Variants in NELL2 observed in about 807,000 individuals in gnomAD.
NELL2 encodes protein kinase C-binding protein NELL2.
In NELL2, 41 loss-of-function variants were observed where a neutral mutation model predicts 109.6. The ratio of observed to expected loss-of-function variants is 0.37; its 90% CI spans 0.29 to 0.49. The LOEUF (loss-of-function observed/expected upper bound fraction) is 0.49. NELL2 is among the 20% of genes least tolerant of loss of function. The pLI, the probability that NELL2 is intolerant of heterozygous loss-of-function variation, is 0.98. For missense variants in NELL2, 900 were observed against 1,008.3 expected (o/e 0.89, Z 1.45); for synonymous variants, 355 against 344.7 (o/e 1.03, Z -0.33).
At chr12:44,793,604 C>T (rs185635101) in intron 3 of NELL2, among the ~76,000 whole-genome samples, 2 of 152,122 alleles carry the variant, frequency 1.3e-5, no homozygotes, top group Non-Finnish European at 2.9e-5. Context: ...CAATAACAGC[C>T]ATTAAGGAGT....
At chr12:44,521,058 A>T (rs887059621) in intron 18 of NELL2, among the ~76,000 whole-genome samples, 2 of 152,238 alleles carry the variant, frequency 1.3e-5, no homozygotes, top group Admixed American at 6.5e-5. Flanking sequence ...CTATAAAGAC[A>T]CATAGACCAA....
At chr12:44,555,713 A>G (rs1230511987) in intron 15 of NELL2, among the ~76,000 whole-genome samples, 1 of 152,192 alleles carries the variant, frequency 6.6e-6, no homozygotes, top group Non-Finnish European at 1.5e-5. Flanking sequence ...CCAATTCAGA[A>G]AGCTCCTTGG....
intron 16 of NELL2, among the ~76,000 whole-genome samples, chr12:44,532,177 T>A (rs1391735180): frequency 6.6e-6 from 1 of 152,176 alleles, no homozygotes; most frequent in Non-Finnish European, 1.5e-5. Context: ...ATTGTGTATG[T>A]CATCCTTGGC....
chr12:44,748,907 T>C (rs764535789), intron 9 of NELL2, among the ~76,000 whole-genome samples: 6 of 152,170 alleles, frequency 3.9e-5, no homozygotes, highest in Non-Finnish European at 8.8e-5. Flanking sequence ...ATTTCTCCAC[T>C]TTGTGGGAAT....
At chr12:44,757,822 T>G (rs749344919) in intron 9 of NELL2, among the ~76,000 whole-genome samples, 2 of 152,118 alleles carry the variant, frequency 1.3e-5, no homozygotes, top group African/African-American at 4.8e-5. Context: ...TGTGAAAGAC[T>G]TTGATGTGTA....
chr12:44,859,437 A>G (rs1944774910), intron 2 of NELL2, among the ~76,000 whole-genome samples: 1 of 152,220 alleles, frequency 6.6e-6, no homozygotes, highest in African/African-American at 2.4e-5. Flanking sequence ...GCTACTCAGA[A>G]GGCTGAGGTG....
At position 44,903,604 on chromosome 12, in the gene NELL2, C is replaced by T. The variant is rs185085915; in HGVS notation, c.38+10195G>A. 4.6e-5 allele frequency among the ~76,000 whole-genome samples: 7 copies of T among 152,218 alleles called. No homozygotes were observed. In the East Asian group the frequency reaches 1.3e-3, roughly 29 times the overall value. On this transcript the variant is annotated intron_variant, in intron 1 of 20. Coordinates refer to the NELL2 transcript ENST00000333837. Reference sequence around the variant, plus strand: ...ACATGCACACGTATGTTTATTGCAGCACTATTCACAATAGCAAAGACTTGG... The same window carrying T: ...ACATGCACACGTATGTTTATTGCAGTACTATTCACAATAGCAAAGACTTGG...
chr12:44,553,416 A>T (rs1943120383), intron 15 of NELL2, among the ~76,000 whole-genome samples: 1 of 152,182 alleles, frequency 6.6e-6, no homozygotes, highest in African/African-American at 2.4e-5. Flanking sequence ...TTGGCTTCAT[A>T]TCTACAGCCA....
At chr12:44,557,655 T>C (rs919590635) in intron 15 of NELL2, among the ~76,000 whole-genome samples, 1 of 152,180 alleles carries the variant, frequency 6.6e-6, no homozygotes, top group Admixed American at 6.5e-5. Flanking sequence ...TGGGTAAATA[T>C]GTTGAATTGG....
intron 15 of NELL2, among the ~76,000 whole-genome samples, chr12:44,558,545 C>A (rs145942617): frequency 1.3e-3 from 201 of 152,230 alleles, no homozygotes; most frequent in African/African-American, 4.7e-3. Context: ...GGAGGGGGTG[C>A]GTCACCTCAT....
At chr12:44,740,570 A>C (rs17575145) in intron 9 of NELL2, among the ~76,000 whole-genome samples, 19,656 of 152,178 alleles carry the variant, frequency 0.13, 1,500 homozygotes, top group East Asian at 0.21. Flanking sequence ...TGGGTCCAGG[A>C]GCTTGTGAAA....
At chr12:44,586,925 C>A (rs1466840498) in intron 15 of NELL2, among the ~76,000 whole-genome samples, 1 of 152,104 alleles carries the variant, frequency 6.6e-6, no homozygotes, top group African/African-American at 2.4e-5. Context: ...ACATGCAATA[C>A]AAATTAATAT....
intron 9 of NELL2, among the ~76,000 whole-genome samples, chr12:44,725,222 A>G (rs899878005): frequency 6.6e-6 from 1 of 152,156 alleles, no homozygotes. Flanking sequence ...AGATTTCATG[A>G]AAAAGACACC....
chr12:44,595,593 A>ATTTTTTTTTTT (rs57566164), intron 15 of NELL2, among the ~76,000 whole-genome samples: 1 of 121,328 alleles, frequency 8.2e-6, no homozygotes, highest in Non-Finnish European at 1.7e-5. Context: ...CACCCAGCTA[A>ATTTTTTTTTTT]TTTTTTTTTT....
chr12:44,541,885 G>A (rs1206485939), intron 15 of NELL2, among the ~76,000 whole-genome samples: 1 of 152,190 alleles, frequency 6.6e-6, no homozygotes, highest in African/African-American at 2.4e-5. Flanking sequence ...CTTAAGCAAT[G>A]AAAGTTTAAG....
rs759534323 is a variant in NELL2, at chr12:44,776,125, T to C, written c.788A>G (p.Asn263Ser). 5.6e-6 allele frequency: 9 copies of C among 1,613,942 alleles called. No homozygotes were observed. The highest frequency in any genetic ancestry group is 6.8e-6 in the Non-Finnish European group (8 of 1,179,924). Residue 263 changes from asparagine to serine, a missense_variant, in exon 8 of 20, where the codon AAT (asparagine) becomes AGT (serine). Asn to Ser is a conservative substitution (Grantham distance 46). This residue lies in a region of NELL2 where 292 missense variants were observed against 265.3 expected (regional missense o/e 1.10). Transcript: ENST00000429094. ...TTCACAATAGCACTGATCCAATCTA[T>C]TCATTCGCTGTTCAGCTCGAGACAG... ...AKLSRAEQRM[N>S]RLDQCYCERT...
At chr12:44,732,064 G>T (rs1939398326) in intron 9 of NELL2, among the ~76,000 whole-genome samples, 1 of 151,942 alleles carries the variant, frequency 6.6e-6, no homozygotes, top group Non-Finnish European at 1.5e-5. Flanking sequence ...ACTGCTGAAA[G>T]AAATTTAAAA....
intron 9 of NELL2, among the ~76,000 whole-genome samples, chr12:44,725,758 CA>C (rs1939041624): frequency 6.6e-6 from 1 of 152,126 alleles, no homozygotes; most frequent in South Asian, 2.1e-4. Flanking sequence ...AACAGAAAAC[CA>C]AATACCACAT....
At chr12:44,818,571 A>T (rs1183109650) in intron 2 of NELL2, among the ~76,000 whole-genome samples, 1 of 152,154 alleles carries the variant, frequency 6.6e-6, no homozygotes, top group African/African-American at 2.4e-5. Flanking sequence ...GCCTTACAAG[A>T]TGAAACTTTA....
Sources: gnomAD v4.1 joint callset for allele counts (sites outside exome capture counted in the v4.1 genomes callset) on GRCh38, gnomAD v4.1.1 for gene constraint, gnomAD v4.1.1 regional missense constraint, MANE v1.5 for transcripts, NCBI Gene and HGNC (gene_info 2026-07-23, HGNC 2026-07-21) for gene names.